MRPL15: variants seen among roughly 807,000 people sequenced by gnomAD.
MRPL15 encodes the protein mitochondrial ribosomal protein L15, also known as large ribosomal subunit protein uL15m.
Under a neutral mutation model 28.0 loss-of-function variants are expected in MRPL15, and 24 were observed. That is an observed-to-expected ratio of 0.86 (90% CI 0.62 to 1.21). The LOEUF (loss-of-function observed/expected upper bound fraction) is 1.21. Among genes scored for constraint, MRPL15 ranks in the 50% most tolerant of loss-of-function variants. The pLI is 0.00. For missense variants in MRPL15, 343 were observed against 372.4 expected (o/e 0.92, Z 0.65); for synonymous variants, 124 against 137.0 (o/e 0.90, Z 0.66).
chr8:54,142,113 T>A (rs1322772019), intron 3 of MRPL15, among the ~76,000 whole-genome samples: 5 of 145,480 alleles, frequency 3.4e-5, no homozygotes, highest in African/African-American at 1.3e-4. Flanking sequence ...CCTCCCAAAG[T>A]GCTGGGATTA....
At chr8:54,141,061 C>T (rs962570706) in intron 3 of MRPL15, among the ~76,000 whole-genome samples, 1 of 152,068 alleles carries the variant, frequency 6.6e-6, no homozygotes, top group African/African-American at 2.4e-5. Flanking sequence ...GTTCTTCCAC[C>T]TGCTCCAGCC....
At position 54,142,781 on chromosome 8, in the gene MRPL15, G is replaced by A; in HGVS notation, c.548G>A (p.Ser183Asn). Residue 183 changes from serine to asparagine, a missense_variant, in exon 4 of 5, where the codon AGT becomes AAT. Physicochemically the swap from Ser to Asn is conservative, Grantham distance 46. Transcript: ENST00000260102. ...ACTACAGCCTTCTATGATCCAAGAA[G>A]TCTGGGTAAGTTTGTTCCACGGTCA... is the stretch of plus-strand genomic sequence containing the variant. The part of the protein sequence containing the change: ...VVTTAFYDPR[S>N]LDIVCKPVPF... The A allele has an allele frequency of 1.2e-6, 2 of 1,613,888 alleles. No individual in the cohort carries two copies. The highest frequency in any genetic ancestry group is 1.3e-5 in the African/African-American group (1 of 75,038).
chr8:54,143,462 T>A (rs1810967562), intron 4 of MRPL15, among the ~76,000 whole-genome samples: 1 of 152,044 alleles, frequency 6.6e-6, no homozygotes, highest in Non-Finnish European at 1.5e-5. Flanking sequence ...AAATTTGGAG[T>A]CCTGAACTTT....
At chr8:54,141,155 C>G (rs1810918740) in intron 3 of MRPL15, among the ~76,000 whole-genome samples, 1 of 152,148 alleles carries the variant, frequency 6.6e-6, no homozygotes, top group African/African-American at 2.4e-5. Context: ...TGTTTGACAG[C>G]ATAATGTTGT....
chr8:54,143,287 C>T (rs1376902992), intron 4 of MRPL15, among the ~76,000 whole-genome samples: 1 of 152,102 alleles, frequency 6.6e-6, no homozygotes, highest in Non-Finnish European at 1.5e-5. Flanking sequence ...AGCATGTTGT[C>T]AAGGCTGTCT....
intron 3 of MRPL15, among the ~76,000 whole-genome samples, chr8:54,139,536 A>G (rs947031339): frequency 1.3e-5 from 2 of 152,236 alleles, no homozygotes; most frequent in African/African-American, 4.8e-5. Flanking sequence ...ATGTAACTTA[A>G]CATATGGAAA....
intron 3 of MRPL15, among the ~76,000 whole-genome samples, chr8:54,138,775 A>T (rs1265265683): frequency 6.6e-6 from 1 of 152,120 alleles, no homozygotes; most frequent in Non-Finnish European, 1.5e-5. Flanking sequence ...TGTCTTCCTC[A>T]CTAGAATATA....
intron 3 of MRPL15, among the ~76,000 whole-genome samples, chr8:54,138,288 A>G (rs1192413856): frequency 3.9e-5 from 5 of 127,626 alleles, no homozygotes; most frequent in African/African-American, 5.9e-5. Context: ...GAATGTCAAC[A>G]TATCAGGAAG....
Position 54,147,449 on chromosome 8 carries a change from A to C in MRPL15, c.621A>C (p.Pro207=). The change falls in exon 5 of 5, where the codon CCA becomes CCC. Residue 207 remains proline (P), a synonymous_variant. Coordinates refer to ENST00000260102, the MANE Select transcript of MRPL15 (RefSeq NM_014175.4). ...CCATTCCAAAAAGAATGCTTCCACC[A>C]GAAGAACTGGTACCATATTACACTG... ...GQPIPKRMLP[P]EELVPYYTDA... 6.2e-7 allele frequency: 1 copy of C among 1,614,182 alleles called. No individual in the cohort carries two copies. The highest frequency in any genetic ancestry group is 8.5e-7 in the Non-Finnish European group (1 of 1,180,006).
At chr8:54,142,179 A>G (rs543711429) in intron 3 of MRPL15, among the ~76,000 whole-genome samples, 2 of 148,188 alleles carry the variant, frequency 1.3e-5, no homozygotes, top group African/African-American at 5.0e-5. Context: ...TTTGAGACGG[A>G]GTTTCACTCT....
chr8:54,144,905 C>T, intron 4 of MRPL15, among the ~76,000 whole-genome samples: 1 of 152,118 alleles, frequency 6.6e-6, no homozygotes, highest in Non-Finnish European at 1.5e-5. Flanking sequence ...AATATGAAAA[C>T]CAGCATTTTT....
intron 4 of MRPL15, among the ~76,000 whole-genome samples, chr8:54,144,897 T>C (rs1485158505): frequency 6.6e-6 from 1 of 152,302 alleles, no homozygotes; most frequent in East Asian, 1.9e-4. Flanking sequence ...CTGCCTCAAA[T>C]ATGAAAACCA....
intron 1 of MRPL15, among the ~76,000 whole-genome samples, chr8:54,136,309 T>G (rs536167248): frequency 1.3e-5 from 2 of 152,210 alleles, no homozygotes; most frequent in Non-Finnish European, 2.9e-5. Context: ...TGGACTTTGG[T>G]TACAAGAATT....
At chr8:54,142,976 G>A (rs376477299) in intron 4 of MRPL15, 190 bp downstream of exon 4, 2 of 792,282 alleles carry the variant, frequency 2.5e-6, no homozygotes, top group African/African-American at 3.5e-5. Flanking sequence ...GGCAAAAAAG[G>A]CTCTCAGCCC....
chr8:54,145,465 C>G (rs1023557424), intron 4 of MRPL15, among the ~76,000 whole-genome samples: 4 of 151,914 alleles, frequency 2.6e-5, no homozygotes, highest in Admixed American at 6.6e-5. Flanking sequence ...TTGGTGTGAG[C>G]CACCATGCCG....
At chr8:54,147,199 T>G (rs932653216) in intron 4 of MRPL15, among the ~76,000 whole-genome samples, 183 bp from the exon 5 acceptor site, 1 of 151,880 alleles carries the variant, frequency 6.6e-6, no homozygotes, top group Non-Finnish European at 1.5e-5. Context: ...GCCATTGTAC[T>G]CCAGTCTGGG....
intron 4 of MRPL15, among the ~76,000 whole-genome samples, chr8:54,146,028 G>C (rs2129240445): frequency 6.6e-6 from 1 of 152,316 alleles, no homozygotes; most frequent in African/African-American, 2.4e-5. Flanking sequence ...GATACTGCTA[G>C]GTGATGCAAT....
At chr8:54,146,808 CT>C (rs1345235037) in intron 4 of MRPL15, among the ~76,000 whole-genome samples, 2 of 152,214 alleles carry the variant, frequency 1.3e-5, no homozygotes, top group African/African-American at 4.8e-5. Context: ...CACTATCTCA[CT>C]TTCAGAACAT....
At chr8:54,137,535 C>A in intron 3 of MRPL15, 102 bp downstream of exon 3, 1 of 999,796 alleles carries the variant, frequency 1.0e-6, no homozygotes, top group Non-Finnish European at 1.5e-6. Context: ...GCAATCTCGG[C>A]TCCTGCAACC....
Sources: gnomAD v4.1 joint callset for allele counts (sites outside exome capture counted in the v4.1 genomes callset) on GRCh38, gnomAD v4.1.1 for gene constraint, MANE v1.5 for transcripts, NCBI Gene and HGNC (gene_info 2026-07-23, HGNC 2026-07-21) for gene names.